Variants in CNRIP1 observed in about 807,000 individuals in gnomAD.
The protein encoded by CNRIP1 is cannabinoid receptor interacting protein 1.
Under a neutral mutation model 15.2 loss-of-function variants are expected in CNRIP1, and 10 were observed. That is an observed-to-expected ratio of 0.66 (90% CI 0.41 to 1.12). CNRIP1 has a LOEUF of 1.12. Among genes scored for constraint, CNRIP1 ranks in the 50% most tolerant of loss-of-function variants. CNRIP1 has a pLI of 0.00. For synonymous variants in CNRIP1, 91 were observed against 83.2 expected (o/e 1.09, Z -0.51); for missense variants, 211 against 214.7 (o/e 0.98, Z 0.11).
chr2:68,295,775 AG>A (rs996817455), intron 2 of CNRIP1, among the ~76,000 whole-genome samples: 4 of 152,192 alleles, frequency 2.6e-5, no homozygotes, highest in Non-Finnish European at 5.9e-5. Context: ...GGAACTTTTT[AG>A]GGGTGATGGA....
At chr2:68,307,133 T>C (rs1671882846) in intron 2 of CNRIP1, among the ~76,000 whole-genome samples, 1 of 152,262 alleles carries the variant, frequency 6.6e-6, no homozygotes, top group African/African-American at 2.4e-5. Flanking sequence ...TACAATTGTA[T>C]ATATTGTCTA....
intron 2 of CNRIP1, among the ~76,000 whole-genome samples, chr2:68,314,927 T>A (rs1482112082): frequency 2.6e-5 from 4 of 152,066 alleles, no homozygotes; most frequent in Admixed American, 6.5e-5. Context: ...AGAGTTCAGA[T>A]GAAAATACAC....
chr2:68,318,144 G>T (rs1573041854), intron 1 of CNRIP1, among the ~76,000 whole-genome samples: 1 of 152,106 alleles, frequency 6.6e-6, no homozygotes, highest in Non-Finnish European at 1.5e-5. Flanking sequence ...AGGGTGCATG[G>T]AGCTGTGGGG....
chr2:68,296,701 G>A (rs897667339), intron 2 of CNRIP1, among the ~76,000 whole-genome samples: 5 of 152,070 alleles, frequency 3.3e-5, no homozygotes, highest in East Asian at 1.9e-4. Flanking sequence ...GCAGCAGCAC[G>A]ATCTCGGCTC....
At chr2:68,289,303 T>G (rs548947542), downstream of CNRIP1, among the ~76,000 whole-genome samples, 2 of 152,304 alleles carry the variant, frequency 1.3e-5, no homozygotes, top group Non-Finnish European at 2.9e-5. Context: ...TATTTTAAAC[T>G]ATTTTTAAAT....
intron 2 of CNRIP1, chr2:68,315,998 T>C (rs1270842849): frequency 6.6e-6 from 1 of 152,230 alleles, no homozygotes; most frequent in African/African-American, 2.4e-5. Context: ...CATTTTTGTA[T>C]TTTTCTGTGT....
chr2:68,311,779 GAAAAAAAAAAAA>G (rs59421926), intron 2 of CNRIP1, among the ~76,000 whole-genome samples: 3 of 90,282 alleles, frequency 3.3e-5, no homozygotes, highest in African/African-American at 1.5e-4. Context: ...CATCTCCGGG[GAAAAAAAAAAAA>G]AAAAAAAAAA....
In CNRIP1 at chr2:68,319,641, C is replaced by T; in HGVS notation, c.-241G>A. 3 of 475,732 alleles carry T rather than the reference C, an allele frequency of 6.3e-6. No homozygotes were observed. The highest frequency in any genetic ancestry group is 2.8e-5 in the South Asian group (1 of 35,350). The allele number at this position is 475,732 out of a possible 1,614,324, so 29.5% of individuals were successfully genotyped here. ...AGGAAGCGGGCCCAAGAGACGGCTC[C>T]AAGGCCGCGCGCTTCCCCATCCCCC... On this transcript the variant is annotated 5_prime_UTR_variant, in exon 1 of 3. Coordinates refer to ENST00000263655, the MANE Select transcript of CNRIP1 (RefSeq NM_015463.3).
intron 2 of CNRIP1, 26 bp downstream of exon 2, chr2:68,317,131 C>T (rs1270738022): frequency 1.3e-5 from 21 of 1,613,948 alleles, no homozygotes; most frequent in Non-Finnish European, 1.8e-5. Flanking sequence ...TGGCACCATA[C>T]TCCTATACCC....
chr2:68,316,984 CATTA>C, intron 2 of CNRIP1, 169 bp downstream of exon 2: 5 of 779,058 alleles, frequency 6.4e-6, no homozygotes, highest in South Asian at 3.0e-5. Context: ...TGCAAAAGAG[CATTA>C]ATTAAGTAGT....
chr2:68,312,413 G>A (rs1170978094), intron 2 of CNRIP1, among the ~76,000 whole-genome samples: 3 of 151,910 alleles, frequency 2.0e-5, no homozygotes, highest in Admixed American at 1.3e-4. Context: ...GTTATAATAC[G>A]TTCATGATTA....
At chr2:68,307,227 T>C (rs749820077) in intron 2 of CNRIP1, among the ~76,000 whole-genome samples, 35 of 152,250 alleles carry the variant, frequency 2.3e-4, no homozygotes, top group Non-Finnish European at 4.3e-4. Flanking sequence ...TGTCAAAATG[T>C]TATACAATTG....
At chr2:68,301,566 G>A (rs1333866442) in intron 2 of CNRIP1, among the ~76,000 whole-genome samples, 1 of 152,090 alleles carries the variant, frequency 6.6e-6, no homozygotes, top group African/African-American at 2.4e-5. Context: ...GAGTAAAACG[G>A]TCTATCCAGT....
rs776249232 is a variant in CNRIP1 at position 68,319,431 on chromosome 2, G to C, written c.-31C>G. 6 of 1,491,142 alleles carry C rather than the reference G, an allele frequency of 4.0e-6. No homozygotes were observed. In the South Asian group the frequency reaches 5.1e-5, roughly 13 times the overall value. 92.4% of individuals were successfully genotyped at this position (1,491,142 alleles called of 1,614,324 possible). On this transcript the variant is annotated 5_prime_UTR_variant, in exon 1 of 3. Transcript: ENST00000263655. Reference sequence around the variant, plus strand: ...GGCGAGGGTCTGGCGCGGCGGCTCCGGGGGGCGGAGGACAGCGCCGGCTGC... The same window carrying C: ...GGCGAGGGTCTGGCGCGGCGGCTCCCGGGGGCGGAGGACAGCGCCGGCTGC...
intron 2 of CNRIP1, among the ~76,000 whole-genome samples, chr2:68,295,750 G>A (rs1461197114): frequency 6.6e-6 from 1 of 152,174 alleles, no homozygotes; most frequent in African/African-American, 2.4e-5. Flanking sequence ...GGGAACTGAT[G>A]CAAATGTGCA....
chr2:68,284,423 T>C, exon 3 of CNRIP1: 1 of 1,506,112 alleles, frequency 6.6e-7, no homozygotes, highest in Non-Finnish European at 8.9e-7. Context: ...CATTGAAGAA[T>C]GTGCTTATTC....
At position 68,293,551 on chromosome 2, in the gene CNRIP1, C is replaced by T; in HGVS notation, c.*311G>A. ...AGTTAGTCAGTGGAATGGTCAAGAG[C>T]AGGACAAGCCTGCCAGGGCCACTGA... On this transcript the variant is annotated 3_prime_UTR_variant, in exon 3 of 3. Transcript: ENST00000263655. The T allele has an allele frequency of 9.5e-7, 1 of 1,055,894 alleles. No homozygotes were observed. The highest frequency in any genetic ancestry group is 1.1e-6 in the Non-Finnish European group (1 of 872,690). The allele number at this position is 1,055,894 out of a possible 1,614,324, so 65.4% of individuals were successfully genotyped here.
Position 68,319,691 on chromosome 2 carries a change from A to G in CNRIP1, c.-291T>C. ...CGCTCCAGTGCTGCGCCCTCCACGCACCCGAAGGCTCGCTCTGGCCCGCAG... is the reference window on the plus strand; with the variant it reads ...CGCTCCAGTGCTGCGCCCTCCACGCGCCCGAAGGCTCGCTCTGGCCCGCAG... On this transcript the variant is annotated 5_prime_UTR_variant, in exon 1 of 3. Transcript: ENST00000263655. 2.7e-6 allele frequency: 1 copy of G among 368,990 alleles called. No individual in the cohort carries two copies. The highest frequency in any genetic ancestry group is 4.9e-6 in the Non-Finnish European group (1 of 202,234). 22.9% of individuals were successfully genotyped at this position (368,990 alleles called of 1,614,324 possible).
chr2:68,304,678 T>C (rs1322632996), intron 2 of CNRIP1, among the ~76,000 whole-genome samples: 1 of 151,200 alleles, frequency 6.6e-6, no homozygotes, highest in East Asian at 2.0e-4. Flanking sequence ...GCCGGAGCAG[T>C]GGTGCGATCT....
Sources: allele counts gnomAD v4.1 joint callset (sites outside exome capture counted in the v4.1 genomes callset), GRCh38; gene constraint gnomAD v4.1.1; transcripts MANE v1.5; gene names NCBI Gene and HGNC (gene_info 2026-07-23, HGNC 2026-07-21).